The following GNAS variants were observed in gnomAD, a reference collection of about 807,000 sequenced individuals.
GNAS encodes the protein protein ALEX.
In GNAS, 8 loss-of-function variants were observed where a neutral mutation model predicts 54.5. The ratio of observed to expected loss-of-function variants is 0.15; its 90% CI spans 0.09 to 0.26. The LOEUF is 0.26. GNAS is among the 10% of genes least tolerant of loss of function. GNAS has a pLI of 1.00. For synonymous variants in GNAS, 204 were observed against 191.4 expected (o/e 1.07, Z -0.54); for missense variants, 170 against 529.8 (o/e 0.32, Z 6.67).
Position 58,856,749 on chromosome 20 carries a change from T to C in GNAS, c.43+15863T>C. On this transcript the variant is annotated intron_variant, in intron 1 of 12. Coordinates refer to the GNAS transcript ENST00000306090. The surrounding 1 kb of genome is among the most constrained non-coding windows in gnomAD (Gnocchi z 4.2). Reference sequence around the variant, plus strand: ...GTATTTTGATTACAGAAGTTAAAAATCATGATATTCTTGTCAGGAGGGTAT... The same window carrying C: ...GTATTTTGATTACAGAAGTTAAAAACCATGATATTCTTGTCAGGAGGGTAT... The C allele has an allele frequency of 6.6e-6, 1 of 152,152 alleles. No individual in the cohort carries two copies. The allele number at this position is 152,152 out of a possible 1,614,324, so 9.4% of individuals were successfully genotyped here. A position where few individuals can be genotyped will look rare whatever the true frequency, so the allele number is the denominator to read the frequency against.
chr20:58,890,251 A>AGGC (rs1454967780), upstream of GNAS, among the ~76,000 whole-genome samples: 2 of 150,892 alleles, frequency 1.3e-5, no homozygotes, highest in Non-Finnish European at 3.0e-5. Flanking sequence ...CGATGCCCCG[A>AGGC]GGCCGCCGCC....
intron 1 of GNAS, among the ~76,000 whole-genome samples, chr20:58,852,028 C>T (rs778153633): frequency 1.3e-5 from 2 of 152,282 alleles, no homozygotes; most frequent in Admixed American, 6.5e-5. Flanking sequence ...TTTAACCCTT[C>T]CCTAGAACAG....
chr20:58,893,084 T>C (rs1214083088), intron 1 of GNAS, among the ~76,000 whole-genome samples: 1 of 127,658 alleles, frequency 7.8e-6, no homozygotes, highest in Non-Finnish European at 1.7e-5. Context: ...TTTTTTTTTT[T>C]TTTTTGTCCT....
intron 1 of GNAS, chr20:58,864,214 T>G (rs1367497884): frequency 2.0e-5 from 3 of 152,208 alleles, no homozygotes; most frequent in African/African-American, 7.2e-5. Flanking sequence ...CACATCCTTT[T>G]AAATAGATAC....
At chr20:58,849,179 C>T (rs1349112562) in intron 1 of GNAS, among the ~76,000 whole-genome samples, 1 of 152,064 alleles carries the variant, frequency 6.6e-6, no homozygotes, top group African/African-American at 2.4e-5. Flanking sequence ...AGGGATGCTG[C>T]TCAACATCCT....
Position 58,840,856 on chromosome 20 carries a change from G to A in GNAS, c.13G>A (p.Val5Ile), listed in dbSNP as rs78536121. 6.0e-5 allele frequency: 97 copies of A among 1,612,662 alleles called. No individual in the cohort carries two copies. The highest frequency in any genetic ancestry group is 1.6e-4 in the Middle Eastern group (1 of 6,084). ...TCCGGCGTCACTAATGGAGGACGCCGTCCAGATTCTCCTTGTTTTCATGGA... is the reference window on the plus strand; with the variant it reads ...TCCGGCGTCACTAATGGAGGACGCCATCCAGATTCTCCTTGTTTTCATGGA... The change falls in exon 1 of 13, where the codon GTC becomes ATC. Residue 5 changes from valine to isoleucine, a missense_variant. Transcript: ENST00000306090. This position sits in a 1 kb window ranked among gnomAD's most constrained non-coding sequence, Gnocchi z 6.0.
At position 58,875,357 on chromosome 20, in the gene GNAS, A is replaced by C. The variant is rs551455158; in HGVS notation, c.44-20255A>C. 2.6e-5 allele frequency among the ~76,000 whole-genome samples: 4 copies of C among 152,232 alleles called. No individual in the cohort carries two copies. In the South Asian group the frequency reaches 8.3e-4, roughly 32 times the overall value. ...TTAGCTGGCAAAGGCTGATGAGGCT[A>C]CTCGTAAGGGACATGTGCATTTTCA... On this transcript the variant is annotated intron_variant, in intron 1 of 12. Coordinates refer to the GNAS transcript ENST00000306090.
chr20:58,882,212 G>T (rs1333365992), intron 1 of GNAS, among the ~76,000 whole-genome samples: 1 of 152,046 alleles, frequency 6.6e-6, no homozygotes, highest in Non-Finnish European at 1.5e-5. Flanking sequence ...GGGACTACAG[G>T]CGCCCGCCAC....
At chr20:58,890,511 C>T (rs931520959), upstream of GNAS, 3 of 152,146 alleles carry the variant, frequency 2.0e-5, no homozygotes. Flanking sequence ...GGTGCGCAGC[C>T]CCTCGTGGGT....
upstream of GNAS, among the ~76,000 whole-genome samples, chr20:58,890,159 G>A (rs1393463281): frequency 6.6e-6 from 1 of 151,868 alleles, no homozygotes; most frequent in African/African-American, 2.4e-5. Context: ...AGGAGGAGAA[G>A]AAGAAGGAGA....
At chr20:58,892,135 C>T (rs976723990) in intron 1 of GNAS, 2 of 944,702 alleles carry the variant, frequency 2.1e-6, no homozygotes, top group Non-Finnish European at 2.5e-6. Context: ...CTCTCTCTTG[C>T]TCTCGCTCTC....
chr20:58,875,634 A>C (rs1158836525), intron 1 of GNAS, among the ~76,000 whole-genome samples: 1 of 152,112 alleles, frequency 6.6e-6, no homozygotes, highest in Non-Finnish European at 1.5e-5. Flanking sequence ...CTCACACCAG[A>C]TCTCCAAGTA....
chr20:58,840,319 C>G, upstream of GNAS: 1 of 1,612,910 alleles, frequency 6.2e-7, no homozygotes, highest in Non-Finnish European at 8.5e-7. This position sits in a 1 kb window ranked among gnomAD's most constrained non-coding sequence, Gnocchi z 6.0. Flanking sequence ...ACCACCGCTC[C>G]GGCGCCCAGG....
In GNAS at chr20:58,907,747, C is replaced by T. The variant is rs550512939; in HGVS notation, c.531-1415C>T. Reference sequence around the variant, plus strand: ...CTCAGAGAAAAAGAGAACAACGCAGCTTAAAACTTTTAAAATGTCCTCCCT... The same window carrying T: ...CTCAGAGAAAAAGAGAACAACGCAGTTTAAAACTTTTAAAATGTCCTCCCT... On this transcript the variant is annotated intron_variant, in intron 6 of 12. Transcript: ENST00000371085. Among the ~76,000 whole-genome samples, 8 of 152,336 alleles carry T rather than the reference C, an allele frequency of 5.3e-5. No homozygotes were observed. The South Asian group carries it at 1.7e-3, about 32-fold the overall frequency.
intron 3 of GNAS, 36 bp downstream of exon 3, chr20:58,899,021 A>C (rs1356771875): frequency 1.3e-6 from 2 of 1,522,722 alleles, no homozygotes; most frequent in African/African-American, 1.4e-5. Context: ...ATTGTTAACA[A>C]ACCAAACAAA....
chr20:58,888,455 T>A (rs1417447935), upstream of GNAS: 2 of 152,196 alleles, frequency 1.3e-5, no homozygotes, highest in African/African-American at 4.8e-5. Context: ...TCCCGTGCAC[T>A]GCTATATCCT....
chr20:58,849,590 C>T (rs2086074173), intron 1 of GNAS, among the ~76,000 whole-genome samples: 1 of 152,226 alleles, frequency 6.6e-6, no homozygotes, highest in Non-Finnish European at 1.5e-5. Context: ...ATGTCTAAAA[C>T]CAAATCAGCA....
At chr20:58,892,114 C>T (rs1045687976) in intron 1 of GNAS, 7 of 969,496 alleles carry the variant, frequency 7.2e-6, no homozygotes, top group African/African-American at 1.8e-5. Context: ...CCCGGCCTGC[C>T]CGCTCAGTGT....
chr20:58,855,504 C>T (rs185291356), intron 1 of GNAS: 42 of 739,624 alleles, frequency 5.7e-5, no homozygotes, highest in African/African-American at 5.5e-4. Flanking sequence ...GCCCTGGGAG[C>T]GGGAGGGGAT....
Sources: gnomAD v4.1 joint callset for allele counts (sites outside exome capture counted in the v4.1 genomes callset) on GRCh38, gnomAD v4.1.1 for gene constraint, Gnocchi (gnomAD v3.1) non-coding constraint, MANE v1.5 for transcripts, NCBI Gene and HGNC (gene_info 2026-07-23, HGNC 2026-07-21) for gene names.